MLF1: variants seen among roughly 807,000 people sequenced by gnomAD.
MLF1 encodes the protein myelodysplasia-myeloid leukemia factor 1.
A neutral mutation model predicts 38.3 loss-of-function variants in MLF1; 37 were observed. The ratio of observed to expected loss-of-function variants is 0.96; its 90% CI spans 0.74 to 1.27. The LOEUF is 1.27. Ranked by LOEUF, MLF1 falls within the 50% of genes most tolerant of loss-of-function variation. The pLI, the probability that MLF1 is intolerant of heterozygous loss-of-function variation, is 0.00. For synonymous variants in MLF1, 95 were observed against 106.5 expected, an observed-to-expected ratio of 0.89 and a Z score of 0.66; for missense variants, 331 against 349.2, an observed-to-expected ratio of 0.95 and a Z score of 0.42.
At chr3:158,575,746 C>G (rs562991557) in intron 1 of MLF1, among the ~76,000 whole-genome samples, 1 of 152,178 alleles carries the variant, frequency 6.6e-6, no homozygotes, top group South Asian at 2.1e-4. Context: ...TGTAGTCAAT[C>G]TGGTATTTAG....
At chr3:158,578,401 G>A (rs939686868) in intron 1 of MLF1, among the ~76,000 whole-genome samples, 12 of 151,420 alleles carry the variant, frequency 7.9e-5, no homozygotes, top group African/African-American at 2.9e-4. Flanking sequence ...GTGTGTGTGT[G>A]TACATATGTA....
Position 158,605,891 on chromosome 3 carries a change from G to A in MLF1, c.*689G>A. 1 of 180,766 alleles carries A rather than the reference G, an allele frequency of 5.5e-6. No individual in the cohort carries two copies. Among genetic ancestry groups the A allele is most frequent in the Non-Finnish European group, 1.2e-5 (1 of 84,776 alleles). The allele number at this position is 180,766 out of a possible 1,614,324, so 11.2% of individuals were successfully genotyped here. A position where few individuals can be genotyped will look rare whatever the true frequency, so the allele number is the denominator to read the frequency against. Reference sequence around the variant, plus strand: ...CTTAATATTCACCAGATATTATATTGACCATTCTCTTTAACTTCTTAATGT... The same window carrying A: ...CTTAATATTCACCAGATATTATATTAACCATTCTCTTTAACTTCTTAATGT... On this transcript the variant is annotated 3_prime_UTR_variant, in exon 8 of 8. Transcript: ENST00000466246.
At position 158,592,582 on chromosome 3, in the gene MLF1, G is replaced by A; in HGVS notation, c.195+1G>A. 4.4e-6 allele frequency: 7 copies of A among 1,590,296 alleles called. No homozygotes were observed. Among genetic ancestry groups the A allele is most frequent in the Non-Finnish European group, 6.0e-6 (7 of 1,172,672 alleles). On this transcript the variant is annotated splice_donor_variant, in intron 2 of 7. Transcript: ENST00000466246. LOFTEE classifies it high-confidence loss of function. ...TAATGATGGTGAAGATTCTTTGACT[G>A]TAAGTTCTTTTTTTTAAGACAGTTA...
intron 1 of MLF1, among the ~76,000 whole-genome samples, chr3:158,588,323 C>G (rs1321282260): frequency 2.0e-5 from 3 of 152,190 alleles, no homozygotes; most frequent in African/African-American, 7.2e-5. Flanking sequence ...TGTGACATAA[C>G]AAATGTTGTT....
intron 3 of MLF1, 104 bp downstream of exon 3, chr3:158,593,530 A>G (rs369049990): frequency 1.2e-6 from 1 of 857,924 alleles, no homozygotes; most frequent in Non-Finnish European, 1.8e-6. Flanking sequence ...CACTTCCATA[A>G]TGGCTTTTTA....
chr3:158,594,894 C>T (rs1207361667), intron 3 of MLF1, among the ~76,000 whole-genome samples: 1 of 152,110 alleles, frequency 6.6e-6, no homozygotes, highest in Non-Finnish European at 1.5e-5. Context: ...GCATTTGAGG[C>T]ATCTGTGAGT....
intron 1 of MLF1, among the ~76,000 whole-genome samples, chr3:158,590,020 T>C (rs549017039): frequency 6.6e-6 from 1 of 152,274 alleles, no homozygotes; most frequent in African/African-American, 2.4e-5. Flanking sequence ...TTATACACAT[T>C]AGCAAAATGT....
At position 158,602,878 on chromosome 3, in the gene MLF1, G is replaced by C. The variant is rs763664079; in HGVS notation, c.685G>C (p.Gly229Arg). The change falls in exon 7 of 8, where the codon GGA becomes CGA. Residue 229 changes from glycine (G) to arginine (R), a missense_variant. Gly to Arg is a moderately radical substitution (Grantham distance 125, BLOSUM62 -2). Coordinates refer to ENST00000466246, the MANE Select transcript of MLF1 (RefSeq NM_001369783.1). ...GTACAAACCAGGACGACACAATCTA[G>C]GAAACACTAGAATGAGAAGTGTTGG... Reference protein sequence around the residue: ...LKYKPGRHNLGNTRMRSVGHE... With the variant: ...LKYKPGRHNLRNTRMRSVGHE... The C allele has an allele frequency of 3.5e-5, 56 of 1,613,672 alleles. No homozygotes were observed. The highest frequency in any genetic ancestry group is 4.4e-5 in the Non-Finnish European group (52 of 1,179,858).
intron 1 of MLF1, among the ~76,000 whole-genome samples, chr3:158,587,487 A>G (rs1034066875): frequency 1.3e-5 from 2 of 152,128 alleles, no homozygotes; most frequent in Non-Finnish European, 2.9e-5. Flanking sequence ...GAAGCTCTGT[A>G]AAGGGCCAGA....
At chr3:158,604,878 CGA>C (rs1431063398) in intron 7 of MLF1, among the ~76,000 whole-genome samples, 1 of 152,036 alleles carries the variant, frequency 6.6e-6, no homozygotes, top group African/African-American at 2.4e-5. Context: ...AGGATGGTCT[CGA>C]TCTCTTAACT....
intron 6 of MLF1, among the ~76,000 whole-genome samples, chr3:158,601,954 C>T (rs1039708993): frequency 3.3e-5 from 5 of 151,550 alleles, no homozygotes; most frequent in Non-Finnish European, 7.4e-5. Flanking sequence ...GTAGCTGGGA[C>T]TACAGGTGCC....
chr3:158,573,995 C>T (rs540029678), intron 1 of MLF1, among the ~76,000 whole-genome samples: 5 of 152,134 alleles, frequency 3.3e-5, no homozygotes, highest in African/African-American at 9.6e-5. Context: ...GAGGAGGTTT[C>T]GCCGTGTTAC....
intron 1 of MLF1, among the ~76,000 whole-genome samples, chr3:158,584,658 AGTGTGTGTGTGTGTGTGTGTGTGTGTGT>A (rs56885799): frequency 7.4e-6 from 1 of 134,284 alleles, no homozygotes; most frequent in Non-Finnish European, 1.6e-5. Context: ...CCATAAAGAA[AGTGTGTGTGTGTGTGTGTGTGTGTGTGT>A]GTGTGTGTGT....
chr3:158,601,242 G>C (rs1719700354), intron 6 of MLF1, among the ~76,000 whole-genome samples: 1 of 151,982 alleles, frequency 6.6e-6, no homozygotes, highest in Admixed American at 6.6e-5. Flanking sequence ...AGACCAGCCT[G>C]GCCAACATGG....
intron 1 of MLF1, among the ~76,000 whole-genome samples, chr3:158,591,905 TTTTA>T (rs1232634714): frequency 1.3e-5 from 2 of 152,206 alleles, no homozygotes; most frequent in African/African-American, 4.8e-5. Context: ...TTTTCATTAA[TTTTA>T]TTTATAACTA....
chr3:158,593,427 G>A lies in MLF1; in HGVS notation c.240+1G>A, dbSNP rs1427381535. The A allele has an allele frequency of 6.4e-7, 1 of 1,557,826 alleles. No individual in the cohort carries two copies. The highest frequency in any genetic ancestry group is 1.8e-5 in the Admixed American group (1 of 54,088). Reference sequence around the variant, plus strand: ...GCCTTTTGGCGATTTTGGTGGTATGGTTCGTATCTTAAGACACAAATCATT... The same window carrying A: ...GCCTTTTGGCGATTTTGGTGGTATGATTCGTATCTTAAGACACAAATCATT... On this transcript the variant is annotated splice_donor_variant, in intron 3 of 7. Coordinates refer to ENST00000466246, the MANE Select transcript of MLF1 (RefSeq NM_001369783.1). LOFTEE classifies it high-confidence loss of function.
chr3:158,591,221 G>T (rs1035309407), intron 1 of MLF1: 2 of 434,710 alleles, frequency 4.6e-6, no homozygotes, highest in Non-Finnish European at 9.0e-6. Flanking sequence ...GTGCAATGGT[G>T]CAATCTTGGC....
chr3:158,600,649 A>G (rs1259308024), intron 6 of MLF1, among the ~76,000 whole-genome samples: 1 of 151,422 alleles, frequency 6.6e-6, no homozygotes, highest in Non-Finnish European at 1.5e-5. Flanking sequence ...TTAATTTACC[A>G]TTATAATTGT....
chr3:158,595,329 C>G (rs1404797875), intron 3 of MLF1, among the ~76,000 whole-genome samples: 3 of 152,024 alleles, frequency 2.0e-5, no homozygotes, highest in Admixed American at 1.3e-4. Context: ...TTTTTGAAGG[C>G]CTTAAGGGCC....
Sources: gnomAD v4.1 joint callset for allele counts (sites outside exome capture counted in the v4.1 genomes callset) on GRCh38, gnomAD v4.1.1 for gene constraint, MANE v1.5 for transcripts, NCBI Gene and HGNC (gene_info 2026-07-23, HGNC 2026-07-21) for gene names.